NPIPB2: variants seen among roughly 807,000 people sequenced by gnomAD.
NPIPB2 encodes the protein nuclear pore complex-interacting protein family member B2.
In NPIPB2, 27 loss-of-function variants were observed where a neutral mutation model predicts 30.8. The observed-to-expected ratio is 0.88, with a 90% CI of 0.65 to 1.21. The LOEUF (loss-of-function observed/expected upper bound fraction) is 1.21. NPIPB2 is among the 50% of genes most tolerant of loss of function. NPIPB2 has a pLI of 0.00. For synonymous variants in NPIPB2, 147 were observed against 162.0 expected, an observed-to-expected ratio of 0.91 and a Z score of 0.70; for missense variants, 440 against 446.2, an observed-to-expected ratio of 0.99 and a Z score of 0.13.
intron 1 of NPIPB2, among the ~76,000 whole-genome samples, chr16:11,971,508 T>G (rs1377103237): frequency 1.4e-5 from 2 of 147,786 alleles, no homozygotes; most frequent in Middle Eastern, 3.2e-3. Flanking sequence ...TCTTTTTTAT[T>G]TTTTTAGACA....
At chr16:11,973,706 G>A (rs1055562901) in intron 1 of NPIPB2, among the ~76,000 whole-genome samples, 2 of 152,044 alleles carry the variant, frequency 1.3e-5, no homozygotes, top group Non-Finnish European at 2.9e-5. Context: ...TTAGCTAGGA[G>A]TTCCTAGCTG....
intron 1 of NPIPB2, among the ~76,000 whole-genome samples, chr16:11,973,162 CAAAAAAAAAA>C (rs34947493): frequency 5.5e-5 from 4 of 73,038 alleles, no homozygotes; most frequent in African/African-American, 1.7e-4. Flanking sequence ...GTGAAACTGT[CAAAAAAAAAA>C]AAAAAAAAAA....
intron 1 of NPIPB2, chr16:11,941,710 T>A: frequency 2.8e-6 from 2 of 723,960 alleles, no homozygotes; most frequent in Non-Finnish European, 4.8e-6. Flanking sequence ...ACCCCGGTGG[T>A]GCCTCACAAT....
chr16:11,943,404 T>C (rs1188215148), upstream of NPIPB2, among the ~76,000 whole-genome samples: 3 of 151,104 alleles, frequency 2.0e-5, no homozygotes, highest in East Asian at 2.0e-4. Flanking sequence ...GCTGCAGCCA[T>C]GTTCCAGCCC....
At chr16:11,975,199 G>C (rs1228472698) in intron 1 of NPIPB2, among the ~76,000 whole-genome samples, 2 of 86,318 alleles carry the variant, frequency 2.3e-5, no homozygotes, top group Non-Finnish European at 4.3e-5. Flanking sequence ...CCAGGCTGGA[G>C]TGCAGTGGCG....
At chr16:11,963,359 A>C (rs2055168253) in intron 1 of NPIPB2, among the ~76,000 whole-genome samples, 1 of 151,462 alleles carries the variant, frequency 6.6e-6, no homozygotes, top group Non-Finnish European at 1.5e-5. Context: ...CAGCCTGGGC[A>C]ATAACAGTGA....
intron 2 of NPIPB2, among the ~76,000 whole-genome samples, chr16:11,934,659 C>G (rs909483034): frequency 1.2e-4 from 18 of 151,082 alleles, no homozygotes; most frequent in Admixed American, 3.3e-4. Context: ...AAGAGATGGA[C>G]ACCATCTTGG....
chr16:11,937,183 A>T (rs2054878755), intron 2 of NPIPB2, among the ~76,000 whole-genome samples: 2 of 152,166 alleles, frequency 1.3e-5, no homozygotes, highest in South Asian at 4.1e-4. Flanking sequence ...CAGAGACGAG[A>T]CTGGAAGCTT....
chr16:11,969,682 T>C (rs11570170), intron 1 of NPIPB2, among the ~76,000 whole-genome samples: 1 of 152,250 alleles, frequency 6.6e-6, no homozygotes, highest in Non-Finnish European at 1.5e-5. Context: ...TCCAGCTTAA[T>C]GAAAGCATCA....
At chr16:11,974,362 A>G (rs1035595272) in intron 1 of NPIPB2, among the ~76,000 whole-genome samples, 3 of 152,078 alleles carry the variant, frequency 2.0e-5, no homozygotes, top group Non-Finnish European at 4.4e-5. Flanking sequence ...AACACACAAA[A>G]TACAAAAGTT....
intron 1 of NPIPB2, among the ~76,000 whole-genome samples, chr16:11,957,139 G>C (rs2055118660): frequency 6.8e-6 from 1 of 146,658 alleles, no homozygotes; most frequent in Non-Finnish European, 1.5e-5. Flanking sequence ...TTACAGGTAT[G>C]TGCCACCACA....
chr16:11,931,836 A>T (rs1263271148), intron 4 of NPIPB2, among the ~76,000 whole-genome samples: 7 of 152,242 alleles, frequency 4.6e-5, no homozygotes, highest in African/African-American at 7.2e-5. Context: ...TAAACAGACA[A>T]GAGGTGAAGA....
chr16:11,952,842 A>C (rs974963096), intron 1 of NPIPB2, among the ~76,000 whole-genome samples: 1 of 152,174 alleles, frequency 6.6e-6, no homozygotes, highest in Non-Finnish European at 1.5e-5. Context: ...CTGGGATTAC[A>C]GGTGTCAGCC....
chr16:11,963,720 G>A (rs1005407225), intron 1 of NPIPB2, among the ~76,000 whole-genome samples: 10 of 151,918 alleles, frequency 6.6e-5, no homozygotes, highest in African/African-American at 2.2e-4. Context: ...TCTCTATATG[G>A]GTATTTCACT....
rs372120887 is a variant in NPIPB2 at position 11,932,980 on chromosome 16, G to A, written c.488+537C>T. ...CTCAAAATTAAAAAAAAAAAAAAAG[G>A]CTGGCTGTGGTGGCTCATGCCTCTA... On this transcript the variant is annotated intron_variant, in intron 4 of 7. Transcript: ENST00000399147. Among the ~76,000 whole-genome samples the A allele has an allele frequency of 9.4e-5, 14 of 149,666 alleles. No homozygotes were observed. The East Asian group carries it at 2.0e-3, about 21-fold the overall frequency.
chr16:11,967,548 G>A, intron 1 of NPIPB2: 1 of 1,601,580 alleles, frequency 6.2e-7, no homozygotes, highest in Admixed American at 1.7e-5. Context: ...TTGGGTTAAT[G>A]TTTCCGTTTC....
At chr16:11,933,461 C>T (rs2054818282) in intron 4 of NPIPB2, 56 bp downstream of exon 4, 1 of 1,594,100 alleles carries the variant, frequency 6.3e-7, no homozygotes, top group Admixed American at 1.7e-5. Flanking sequence ...TTACAGTTGT[C>T]TACTTTGATT....
At chr16:11,949,960 G>T (rs893410745) in intron 1 of NPIPB2, among the ~76,000 whole-genome samples, 4 of 152,168 alleles carry the variant, frequency 2.6e-5, no homozygotes, top group African/African-American at 7.2e-5. Context: ...AGGAATATCT[G>T]GTTCTCATTT....
upstream of NPIPB2, chr16:11,942,214 A>G: frequency 5.9e-6 from 4 of 682,886 alleles, no homozygotes; most frequent in South Asian, 7.6e-5. Context: ...ATCTCAATAT[A>G]TTTGAGAGCA....
Sources: gnomAD v4.1 joint callset for allele counts (sites outside exome capture counted in the v4.1 genomes callset) on GRCh38, gnomAD v4.1.1 for gene constraint, MANE v1.5 for transcripts, NCBI Gene and HGNC (gene_info 2026-07-23, HGNC 2026-07-21) for gene names.